The following UNC5D variants were observed in gnomAD, a reference collection of about 807,000 sequenced individuals.
UNC5D encodes unc-5 netrin receptor D.
Under a neutral mutation model 105.4 loss-of-function variants are expected in UNC5D, and 39 were observed. The observed-to-expected ratio is 0.37, with a 90% CI of 0.29 to 0.48. The LOEUF (loss-of-function observed/expected upper bound fraction) is 0.48, where lower values mean the gene tolerates loss of function less well. UNC5D is among the 20% of genes least tolerant of loss of function. The pLI is 0.98. For missense variants in UNC5D, 991 were observed against 1,202.4 expected (o/e 0.82, Z 2.60); for synonymous variants, 452 against 450.4 (o/e 1.00, Z -0.04).
intron 4 of UNC5D, among the ~76,000 whole-genome samples, chr8:35,647,882 G>A (rs554340521): frequency 4.4e-4 from 67 of 152,250 alleles, no homozygotes; most frequent in Non-Finnish European, 7.8e-4. Flanking sequence ...TACTTCCCAA[G>A]TTAGCAAGAT....
At chr8:35,789,137 C>CCATA (rs1491172701) in intron 16 of UNC5D, among the ~76,000 whole-genome samples, 2 of 32,432 alleles carry the variant, frequency 6.2e-5, no homozygotes, top group East Asian at 3.0e-3. Context: ...GGAGAAAAGA[C>CCATA]TATATATATA....
intron 1 of UNC5D, among the ~76,000 whole-genome samples, chr8:35,453,245 G>C (rs975457771): frequency 6.6e-6 from 1 of 152,108 alleles, no homozygotes; most frequent in Non-Finnish European, 1.5e-5. Flanking sequence ...GATCATCCCA[G>C]AATTCCAGAG....
intron 3 of UNC5D, among the ~76,000 whole-genome samples, chr8:35,579,556 A>T (rs2130835184): frequency 6.6e-6 from 1 of 152,256 alleles, no homozygotes; most frequent in Non-Finnish European, 1.5e-5. Context: ...CTTAGGAAGA[A>T]GGAGGAGTAA....
chr8:35,540,443 G>C (rs1423595894), intron 1 of UNC5D, among the ~76,000 whole-genome samples: 2 of 137,182 alleles, frequency 1.5e-5, no homozygotes, highest in African/African-American at 6.8e-5. Flanking sequence ...CAAAGCAGAG[G>C]GGTGTGTGTG....
rs1827552649 is a variant in UNC5D, at chr8:35,705,970, T to C, written c.1117+9T>C. Reference sequence around the variant, plus strand: ...TGAAATAAAACCCCAAAGTAAGTTATTTTTCCTCTTGTGAATATAATTTAT... The same window carrying C: ...TGAAATAAAACCCCAAAGTAAGTTACTTTTCCTCTTGTGAATATAATTTAT... On this transcript the variant is annotated intron_variant, in intron 8 of 16. Coordinates refer to ENST00000404895, the MANE Select transcript of UNC5D (RefSeq NM_080872.4). The C allele has an allele frequency of 2.3e-6, 3 of 1,298,734 alleles. No homozygotes were observed. Among genetic ancestry groups the C allele is most frequent in the Non-Finnish European group, 3.3e-6 (3 of 920,122 alleles). 80.5% of individuals were successfully genotyped at this position (1,298,734 alleles called of 1,614,324 possible). A position where few individuals can be genotyped will look rare whatever the true frequency, so the allele number is the denominator to read the frequency against.
At chr8:35,684,775 C>T in intron 6 of UNC5D, 26 bp downstream of exon 6, 1 of 1,581,264 alleles carries the variant, frequency 6.3e-7, no homozygotes. Flanking sequence ...ATTCCCTTTT[C>T]CCTTCTGATC....
At chr8:35,674,780 C>T (rs558138257) in intron 4 of UNC5D, among the ~76,000 whole-genome samples, 2 of 152,322 alleles carry the variant, frequency 1.3e-5, no homozygotes, top group African/African-American at 4.8e-5. Flanking sequence ...TGGGTGCTGT[C>T]TCAGTTCAGC....
At chr8:35,302,951 A>G (rs1317704016) in intron 1 of UNC5D, among the ~76,000 whole-genome samples, 1 of 152,128 alleles carries the variant, frequency 6.6e-6, no homozygotes, top group Non-Finnish European at 1.5e-5. Context: ...CATGCAAGTC[A>G]CAAATTTGAG....
At chr8:35,351,035 G>A (rs538511284) in intron 1 of UNC5D, among the ~76,000 whole-genome samples, 1 of 152,028 alleles carries the variant, frequency 6.6e-6, no homozygotes, top group Non-Finnish European at 1.5e-5. Context: ...ATTTCTTTCT[G>A]CTGACTTCAA....
intron 1 of UNC5D, among the ~76,000 whole-genome samples, chr8:35,248,900 AATATATT>A (rs1803438853): frequency 1.1e-5 from 1 of 94,380 alleles, no homozygotes; most frequent in South Asian, 3.1e-4. Context: ...ATAAATATAT[AATATATT>A]ATATATAAAC....
At chr8:35,316,522 G>T (rs1331734827) in intron 1 of UNC5D, among the ~76,000 whole-genome samples, 1 of 152,116 alleles carries the variant, frequency 6.6e-6, no homozygotes, top group Non-Finnish European at 1.5e-5. Flanking sequence ...AACTTGCAAG[G>T]TGTGAACATA....
At chr8:35,715,534 A>G (rs769972487) in intron 8 of UNC5D, among the ~76,000 whole-genome samples, 1 of 152,232 alleles carries the variant, frequency 6.6e-6, no homozygotes, top group African/African-American at 2.4e-5. Context: ...AGTATTAAGA[A>G]ATATTTAATG....
intron 1 of UNC5D, among the ~76,000 whole-genome samples, chr8:35,306,637 A>G (rs907639226): frequency 1.3e-4 from 20 of 152,302 alleles, no homozygotes; most frequent in South Asian, 6.2e-4. Flanking sequence ...CTATTTCAGG[A>G]AGGTGATTAC....
chr8:35,598,800 A>T (rs982002459), intron 4 of UNC5D, among the ~76,000 whole-genome samples: 1 of 152,176 alleles, frequency 6.6e-6, no homozygotes, highest in African/African-American at 2.4e-5. Flanking sequence ...AATAAGCCAG[A>T]TACAGTAAGA....
intron 7 of UNC5D, among the ~76,000 whole-genome samples, chr8:35,703,404 C>T (rs16884264): frequency 0.056 from 8,586 of 152,160 alleles, 483 homozygotes; most frequent in African/African-American, 0.12. Flanking sequence ...ATGTAGACAA[C>T]TGAAGGTTTA....
intron 1 of UNC5D, among the ~76,000 whole-genome samples, chr8:35,420,002 G>A (rs1349813286): frequency 1.3e-5 from 2 of 152,208 alleles, no homozygotes; most frequent in East Asian, 3.9e-4. Context: ...CGGAATGGGG[G>A]AGTGCATGCT....
intron 1 of UNC5D, among the ~76,000 whole-genome samples, chr8:35,494,019 A>C (rs1811382251): frequency 6.6e-6 from 1 of 152,140 alleles, no homozygotes; most frequent in African/African-American, 2.4e-5. Context: ...CCACCAGTAG[A>C]TAGTTCTATT....
At chr8:35,534,639 T>G (rs944068863) in intron 1 of UNC5D, among the ~76,000 whole-genome samples, 14 of 151,836 alleles carry the variant, frequency 9.2e-5, no homozygotes, top group African/African-American at 3.1e-4. Context: ...CCAAAAAGTA[T>G]TCAGGGCCAT....
chr8:35,671,615 T>C (rs112229697), intron 4 of UNC5D, among the ~76,000 whole-genome samples: 1 of 152,216 alleles, frequency 6.6e-6, no homozygotes, highest in East Asian at 1.9e-4. Flanking sequence ...ACCACTGATC[T>C]AGAAAATAAT....
Sources: allele counts gnomAD v4.1 joint callset (sites outside exome capture counted in the v4.1 genomes callset), GRCh38; gene constraint gnomAD v4.1.1; transcripts MANE v1.5; gene names NCBI Gene and HGNC (gene_info 2026-07-23, HGNC 2026-07-21).